UBR3: variants seen among roughly 807,000 people sequenced by gnomAD.
UBR3 encodes the protein ubiquitin protein ligase E3 component n-recognin 3.
Under a neutral mutation model 243.2 loss-of-function variants are expected in UBR3, and 85 were observed. That is an observed-to-expected ratio of 0.35 (90% CI 0.29 to 0.42). The LOEUF (loss-of-function observed/expected upper bound fraction) is 0.42, where lower values mean the gene tolerates loss of function less well. Among genes scored for constraint, UBR3 ranks in the 10% least tolerant of loss-of-function variants. The pLI is 1.00. For missense variants in UBR3, 1,686 were observed against 2,300.8 expected (o/e 0.73, Z 5.47); for synonymous variants, 748 against 799.8 (o/e 0.94, Z 1.09).
chr2:170,008,379 T>C (rs2089985588), intron 28 of UBR3, among the ~76,000 whole-genome samples: 1 of 152,196 alleles, frequency 6.6e-6, no homozygotes, highest in African/African-American at 2.4e-5. Context: ...GTGGTCTTTT[T>C]AAAATTTTAT....
intron 6 of UBR3, 84 bp downstream of exon 6, chr2:169,891,315 C>T: frequency 3.0e-6 from 3 of 993,416 alleles, no homozygotes; most frequent in African/African-American, 1.6e-5. Context: ...GATGGGCTAG[C>T]CATACTGACA....
intron 17 of UBR3, among the ~76,000 whole-genome samples, 175 bp downstream of exon 17, chr2:169,927,580 T>G (rs943066949): frequency 4.6e-5 from 7 of 151,714 alleles, no homozygotes; most frequent in African/African-American, 1.7e-4. Flanking sequence ...TGACTGTTTT[T>G]TTTTTTTTTT....
intron 36 of UBR3, chr2:170,077,792 C>T: frequency 3.9e-6 from 1 of 256,002 alleles, no homozygotes; most frequent in Non-Finnish European, 7.4e-6. Context: ...CACCATGTTG[C>T]CCAGGCTGGT....
chr2:169,858,648 G>A (rs7565177), intron 1 of UBR3, among the ~76,000 whole-genome samples: 31,565 of 151,952 alleles, frequency 0.21, 3,842 homozygotes, highest in African/African-American at 0.32. Context: ...TACCCAGGCT[G>A]GAATGCAATG....
intron 36 of UBR3, chr2:170,077,138 CTGTT>C (rs2091827022): frequency 1.9e-6 from 1 of 518,430 alleles, no homozygotes; most frequent in Admixed American, 2.5e-5. Flanking sequence ...ACATGTAAGG[CTGTT>C]TGGTAGTATT....
At chr2:169,898,891 C>T (rs113247893) in intron 8 of UBR3, among the ~76,000 whole-genome samples, 6,577 of 151,388 alleles carry the variant, frequency 0.043, 162 homozygotes, top group Middle Eastern at 0.068. Context: ...TTAGTAGAGA[C>T]GGGGTTTCAC....
At chr2:169,923,886 A>G (rs2085801691) in intron 11 of UBR3, 43 bp from the exon 12 acceptor site, 4 of 1,476,608 alleles carry the variant, frequency 2.7e-6, no homozygotes, top group Non-Finnish European at 3.6e-6. Flanking sequence ...TAAAATTTCT[A>G]TAAAATAGTC....
intron 5 of UBR3, among the ~76,000 whole-genome samples, chr2:169,882,109 A>G (rs2083893041): frequency 7.8e-6 from 1 of 127,498 alleles, no homozygotes; most frequent in Non-Finnish European, 1.5e-5. Flanking sequence ...ATATATTTAT[A>G]TTATATATGT....
intron 25 of UBR3, among the ~76,000 whole-genome samples, chr2:169,987,303 G>A (rs1223400103): frequency 6.7e-6 from 1 of 148,370 alleles, no homozygotes. Flanking sequence ...TGAGGCAGGA[G>A]AATCGCTGGA....
Position 170,081,709 on chromosome 2 carries a change from T to C in UBR3, c.5550-17T>C. On this transcript the variant is annotated splice_polypyrimidine_tract_variant and intron_variant, in intron 38 of 38. Transcript: ENST00000272793. ...TCCGTGTATGATATTAATACTTTTT[T>C]TTTCTTTTTGTTCTAGGCGAGGCAA... 1 of 1,550,726 alleles carries C rather than the reference T, an allele frequency of 6.4e-7. No homozygotes were observed. The highest frequency in any genetic ancestry group is 8.7e-7 in the Non-Finnish European group (1 of 1,143,622).
At chr2:169,999,257 C>T (rs1168437296) in intron 26 of UBR3, among the ~76,000 whole-genome samples, 1 of 152,168 alleles carries the variant, frequency 6.6e-6, no homozygotes, top group Non-Finnish European at 1.5e-5. Context: ...TCAAGCAGCT[C>T]CAAAACATAA....
rs1005516940 is a variant in UBR3, at chr2:170,083,337, A to G, written c.*1494A>G. 6.6e-6 allele frequency: 1 copy of G among 152,634 alleles called. No homozygotes were observed. Among genetic ancestry groups the G allele is most frequent in the Non-Finnish European group, 1.5e-5 (1 of 68,010 alleles). 9.5% of individuals were successfully genotyped at this position (152,634 alleles called of 1,614,324 possible). Reference sequence around the variant, plus strand: ...AAGTCAAAAGATTACCTATCGTTCTACAATAAAATACATGGAAATAGCTTG... The same window carrying G: ...AAGTCAAAAGATTACCTATCGTTCTGCAATAAAATACATGGAAATAGCTTG... On this transcript the variant is annotated 3_prime_UTR_variant, in exon 39 of 39. Coordinates refer to ENST00000272793, the MANE Select transcript of UBR3 (RefSeq NM_172070.4).
intron 23 of UBR3, among the ~76,000 whole-genome samples, chr2:169,953,355 C>T (rs543572283): frequency 3.3e-5 from 5 of 152,272 alleles, no homozygotes; most frequent in Admixed American, 6.5e-5. Context: ...AGTTCATAAA[C>T]ACTTAATGAG....
rs375193583 is a variant in UBR3 at position 169,921,935 on chromosome 2, G to A, written c.1867-1994G>A. On this transcript the variant is annotated intron_variant, in intron 11 of 38. Coordinates refer to ENST00000272793, the MANE Select transcript of UBR3 (RefSeq NM_172070.4). Reference sequence around the variant, plus strand: ...GAACCCGGGAGGCAGAGGTTGCAGTGAGCTGAGATCGCGCCACCGTACTCC... The same window carrying A: ...GAACCCGGGAGGCAGAGGTTGCAGTAAGCTGAGATCGCGCCACCGTACTCC... 2.3e-4 allele frequency among the ~76,000 whole-genome samples: 35 copies of A among 152,190 alleles called. No individual in the cohort carries two copies. The South Asian group carries it at 7.1e-3, about 31-fold the overall frequency.
intron 1 of UBR3, among the ~76,000 whole-genome samples, chr2:169,828,521 G>A (rs1402995460): frequency 6.6e-6 from 1 of 152,024 alleles, no homozygotes. Flanking sequence ...TGGGGAGGTG[G>A]TCTTGTACGT....
intron 24 of UBR3, among the ~76,000 whole-genome samples, chr2:169,978,485 G>A (rs2088570338): frequency 6.6e-6 from 1 of 152,112 alleles, no homozygotes; most frequent in South Asian, 2.1e-4. Flanking sequence ...TTGCCTCTGG[G>A]GAAGAAAGGG....
intron 1 of UBR3, among the ~76,000 whole-genome samples, chr2:169,832,252 T>G (rs1446610807): frequency 1.3e-5 from 2 of 152,164 alleles, no homozygotes; most frequent in Non-Finnish European, 2.9e-5. Flanking sequence ...GGAAATTGTG[T>G]GCTAATAACT....
chr2:169,913,360 G>GTT (rs66463048), intron 10 of UBR3, among the ~76,000 whole-genome samples: 217 of 141,172 alleles, frequency 1.5e-3, no homozygotes, highest in Middle Eastern at 3.7e-3. Flanking sequence ...TTTGTTTTTT[G>GTT]TTTTTTTTTT....
chr2:169,999,804 G>A (rs894627957), intron 26 of UBR3, among the ~76,000 whole-genome samples: 2 of 150,246 alleles, frequency 1.3e-5, no homozygotes, highest in Admixed American at 6.6e-5. Context: ...AAAAGAGAAA[G>A]GAAAGATGAA....
Sources: allele counts gnomAD v4.1 joint callset (sites outside exome capture counted in the v4.1 genomes callset), GRCh38; gene constraint gnomAD v4.1.1; transcripts MANE v1.5; gene names NCBI Gene and HGNC (gene_info 2026-07-23, HGNC 2026-07-21).